PTPRK: variants seen among roughly 807,000 people sequenced by gnomAD.
PTPRK encodes receptor-type tyrosine-protein phosphatase kappa.
PTPRK carries 75 observed loss-of-function variants against 178.0 expected under a neutral mutation model. That is an observed-to-expected ratio of 0.42 (90% CI 0.35 to 0.51). The LOEUF (loss-of-function observed/expected upper bound fraction) is 0.51, where lower values mean the gene tolerates loss of function less well. Ranked by LOEUF, PTPRK falls within the 20% of genes least tolerant of loss-of-function variation. The pLI is 0.02. For missense variants in PTPRK, 1,441 were observed against 1,797.8 expected (o/e 0.80, Z 3.59); for synonymous variants, 637 against 620.6 (o/e 1.03, Z -0.39).
At chr6:128,252,742 C>T (rs1816668770) in intron 3 of PTPRK, among the ~76,000 whole-genome samples, 3 of 152,288 alleles carry the variant, frequency 2.0e-5, no homozygotes, top group Admixed American at 1.3e-4. Flanking sequence ...AACTCTGAGC[C>T]ACAGACCTCA....
chr6:128,391,365 T>C (rs1839541704), intron 2 of PTPRK, among the ~76,000 whole-genome samples: 1 of 152,150 alleles, frequency 6.6e-6, no homozygotes, highest in Non-Finnish European at 1.5e-5. Context: ...CTCTCTTTGG[T>C]TGTGTTAACA....
chr6:128,111,421 G>A (rs546698665), intron 7 of PTPRK, among the ~76,000 whole-genome samples: 2 of 152,248 alleles, frequency 1.3e-5, no homozygotes, highest in East Asian at 3.9e-4. Context: ...TACTAAGTTA[G>A]AGGAAATAAA....
chr6:128,107,301 G>A (rs1011808415), intron 7 of PTPRK, among the ~76,000 whole-genome samples: 1 of 152,084 alleles, frequency 6.6e-6, no homozygotes, highest in African/African-American at 2.4e-5. Flanking sequence ...ATTACAGTAT[G>A]ACAGTTTCAC....
At chr6:128,331,428 G>T (rs1476281446) in intron 2 of PTPRK, among the ~76,000 whole-genome samples, 2 of 151,396 alleles carry the variant, frequency 1.3e-5, no homozygotes, top group African/African-American at 4.9e-5. Context: ...TCCACTGAAG[G>T]TAAGCAAAAA....
intron 22 of PTPRK, 39 bp from the exon 23 acceptor site, chr6:127,983,416 G>A: frequency 6.2e-7 from 1 of 1,603,208 alleles, no homozygotes; most frequent in Non-Finnish European, 8.5e-7. Flanking sequence ...TAAGAAGCAT[G>A]TTAGTCTTCA....
intron 25 of PTPRK, among the ~76,000 whole-genome samples, chr6:127,978,616 G>A (rs1774885885): frequency 6.6e-6 from 1 of 152,200 alleles, no homozygotes; most frequent in South Asian, 2.1e-4. Flanking sequence ...TAGAAGAAAG[G>A]AAGCTCTTCT....
intron 2 of PTPRK, among the ~76,000 whole-genome samples, chr6:128,343,158 T>C (rs1831908361): frequency 6.6e-6 from 1 of 152,154 alleles, no homozygotes; most frequent in South Asian, 2.1e-4. Flanking sequence ...AATGTTGTTC[T>C]GGATATCGTA....
At chr6:128,396,158 G>A (rs974876559) in intron 2 of PTPRK, among the ~76,000 whole-genome samples, 2 of 151,302 alleles carry the variant, frequency 1.3e-5, no homozygotes, top group African/African-American at 4.9e-5. Context: ...TAATGGCTAT[G>A]TCTAAAATTG....
rs552024899 is a variant in PTPRK, at chr6:128,418,324, C to T, written c.101-20636G>A. On this transcript the variant is annotated intron_variant, in intron 1 of 29. Transcript: ENST00000368226. Reference sequence around the variant, plus strand: ...TTCTGCATGTCCTAAAGCAGGGGTCCCTAACCCCCAGGTCATGGACTGGTA... The same window carrying T: ...TTCTGCATGTCCTAAAGCAGGGGTCTCTAACCCCCAGGTCATGGACTGGTA... 2.6e-5 allele frequency among the ~76,000 whole-genome samples: 4 copies of T among 152,310 alleles called. No individual in the cohort carries two copies. In the South Asian group the frequency reaches 8.3e-4, roughly 32 times the overall value.
At chr6:128,376,041 G>A (rs1295818045) in intron 2 of PTPRK, among the ~76,000 whole-genome samples, 3 of 152,138 alleles carry the variant, frequency 2.0e-5, no homozygotes, top group Admixed American at 6.5e-5. Context: ...TTGAGTGTCT[G>A]TGGCTTTTCC....
chr6:128,478,890 T>C (rs1189305656), intron 1 of PTPRK, among the ~76,000 whole-genome samples: 1 of 152,142 alleles, frequency 6.6e-6, no homozygotes, highest in Non-Finnish European at 1.5e-5. Context: ...CTTCCTGGAC[T>C]CACAGGTGAG....
In PTPRK at chr6:128,226,192, C is replaced by G. The variant is rs529108885; in HGVS notation, c.694-7096G>C. Among the ~76,000 whole-genome samples, 19 of 152,296 alleles carry G rather than the reference C, an allele frequency of 1.2e-4. No homozygotes were observed. In the South Asian group the frequency reaches 3.9e-3, roughly 32 times the overall value. Reference sequence around the variant, plus strand: ...TTCTCATTACTTCTCAAATCTCTACCTTTTCATCTAACATTGGGTATATGT... The same window carrying G: ...TTCTCATTACTTCTCAAATCTCTACGTTTTCATCTAACATTGGGTATATGT... On this transcript the variant is annotated intron_variant, in intron 5 of 29. Coordinates refer to ENST00000368226, the MANE Select transcript of PTPRK (RefSeq NM_002844.4).
chr6:128,446,334 A>C (rs1243395316), intron 1 of PTPRK, among the ~76,000 whole-genome samples: 2 of 152,228 alleles, frequency 1.3e-5, no homozygotes, highest in Non-Finnish European at 2.9e-5. Context: ...AAATGAAGAT[A>C]AACTGTATTT....
At chr6:128,515,413 T>C (rs945660009) in intron 1 of PTPRK, among the ~76,000 whole-genome samples, 10 of 151,434 alleles carry the variant, frequency 6.6e-5, no homozygotes, top group Non-Finnish European at 1.2e-4. Flanking sequence ...ACAGCATGAG[T>C]TTTGATTAAA....
chr6:128,449,022 G>T (rs1345286618), intron 1 of PTPRK, among the ~76,000 whole-genome samples: 1 of 151,922 alleles, frequency 6.6e-6, no homozygotes, highest in Non-Finnish European at 1.5e-5. Context: ...ACCACGCCTG[G>T]CTAATTTTTT....
chr6:128,433,170 A>G (rs1348524495), intron 1 of PTPRK, among the ~76,000 whole-genome samples: 2 of 152,292 alleles, frequency 1.3e-5, no homozygotes, highest in African/African-American at 4.8e-5. Flanking sequence ...ATTGTTAACT[A>G]TAGTCACCCT....
chr6:127,982,259 T>C lies in PTPRK; in HGVS notation c.3537+572A>G, dbSNP rs562165253. ...CTAAATACACACAAATCACCACTCA[T>C]TTTGACTTGTTATTATTTCTTTTTT... On this transcript the variant is annotated intron_variant, in intron 24 of 29. Transcript: ENST00000368226. Among the ~76,000 whole-genome samples, 86 of 152,164 alleles carry C rather than the reference T, an allele frequency of 5.7e-4. 1 individual carries two copies. The South Asian group carries it at 0.017, about 31-fold the overall frequency.
At chr6:128,408,233 CAAGA>C (rs1841920096) in intron 1 of PTPRK, among the ~76,000 whole-genome samples, 1 of 151,952 alleles carries the variant, frequency 6.6e-6, no homozygotes, top group Non-Finnish European at 1.5e-5. Flanking sequence ...ACTAAAAATA[CAAGA>C]AATAGTTGGG....
intron 2 of PTPRK, among the ~76,000 whole-genome samples, chr6:128,353,237 A>G (rs902809523): frequency 1.3e-5 from 2 of 152,252 alleles, no homozygotes; most frequent in African/African-American, 4.8e-5. Flanking sequence ...ATGCTGGTGA[A>G]GATGGATTAC....
Sources: gnomAD v4.1 joint callset for allele counts (sites outside exome capture counted in the v4.1 genomes callset) on GRCh38, gnomAD v4.1.1 for gene constraint, MANE v1.5 for transcripts, NCBI Gene and HGNC (gene_info 2026-07-23, HGNC 2026-07-21) for gene names.